PARD3B: variants seen among roughly 807,000 people sequenced by gnomAD.
The protein encoded by PARD3B is par-3 family cell polarity regulator beta, also known as partitioning defective 3 homolog B.
In PARD3B, 103 loss-of-function variants were observed where a neutral mutation model predicts 130.2. The observed-to-expected ratio is 0.79, with a 90% confidence interval of 0.67 to 0.93. PARD3B has a LOEUF of 0.93. Ranked by LOEUF, PARD3B falls within the 40% of genes least tolerant of loss-of-function variation. The pLI, the probability that PARD3B is intolerant of heterozygous loss-of-function variation, is 0.00. For missense variants in PARD3B, 1,609 were observed against 1,499.2 expected (o/e 1.07, Z -1.21); for synonymous variants, 583 against 553.2 (o/e 1.05, Z -0.76).
intron 2 of PARD3B, among the ~76,000 whole-genome samples, chr2:204,707,180 A>G (rs186977576): frequency 2.0e-5 from 3 of 152,162 alleles, no homozygotes; most frequent in African/African-American, 7.2e-5. Flanking sequence ...ACACATGCAT[A>G]TGTGTGCTCT....
intron 20 of PARD3B, among the ~76,000 whole-genome samples, chr2:205,443,935 T>G (rs2047814238): frequency 6.6e-6 from 1 of 152,108 alleles, no homozygotes; most frequent in South Asian, 2.1e-4. Context: ...GGCCAGGAGT[T>G]GGAGACCAGC....
Position 205,172,294 on chromosome 2 carries a change from A to T in PARD3B, c.1704A>T (p.Glu568Asp), listed in dbSNP as rs2035217539. Reference sequence around the variant, plus strand: ...GAAAGTCCAACCACGAAGCTATGGAAACACTTAGGCGGTCAATGTCCATGG... The same window carrying T: ...GAAAGTCCAACCACGAAGCTATGGATACACTTAGGCGGTCAATGTCCATGG... Reference protein sequence around the residue: ...LLGKSNHEAMETLRRSMSMEG... With the variant: ...LLGKSNHEAMDTLRRSMSMEG... Residue 568 changes from glutamate to aspartate, a missense_variant, in exon 12 of 23, where the codon GAA becomes GAT. Glu to Asp is a conservative substitution (Grantham distance 45). Transcript: ENST00000406610. 2 of 1,614,120 alleles carry T rather than the reference A, an allele frequency of 1.2e-6. No individual in the cohort carries two copies. Among genetic ancestry groups the T allele is most frequent in the African/African-American group, 2.7e-5 (2 of 75,034 alleles).
At chr2:205,080,705 T>C (rs1310947913) in intron 4 of PARD3B, among the ~76,000 whole-genome samples, 1 of 152,130 alleles carries the variant, frequency 6.6e-6, no homozygotes, top group Non-Finnish European at 1.5e-5. Flanking sequence ...GTGTGTATAA[T>C]ACCAGTTTTC....
chr2:204,950,366 A>T (rs1049925121), intron 2 of PARD3B, among the ~76,000 whole-genome samples: 3 of 152,220 alleles, frequency 2.0e-5, no homozygotes, highest in Non-Finnish European at 4.4e-5. Flanking sequence ...AGCTCAGAGA[A>T]GCTAAATAAC....
Position 205,575,283 on chromosome 2 carries a change from C to CTGCCACCT in PARD3B, c.3260+21881_3260+21888dup, listed in dbSNP as rs1352479971. 1.3e-5 allele frequency among the ~76,000 whole-genome samples: 2 copies of CTGCCACCT among 152,014 alleles called. No individual in the cohort carries two copies. Among genetic ancestry groups the CTGCCACCT allele is most frequent in the Non-Finnish European group, 2.9e-5 (2 of 68,000 alleles). On this transcript the variant is annotated intron_variant, in intron 22 of 22. Coordinates refer to ENST00000406610, the MANE Select transcript of PARD3B (RefSeq NM_001302769.2). This position sits in a 1 kb window ranked among gnomAD's most constrained non-coding sequence, Gnocchi z 4.6. ...GAAGGTACACAGATTTCTCATAAAC[C>CTGCCACCT]TGCCACCTCAACACATGCGTAACTT...
chr2:205,056,675 C>T (rs11903144), intron 4 of PARD3B, among the ~76,000 whole-genome samples: 66,481 of 151,460 alleles, frequency 0.44, 15,080 homozygotes, highest in Admixed American at 0.54. Flanking sequence ...CCTGATATTT[C>T]TCAACAGATT....
chr2:205,167,961 T>C (rs953913571), intron 11 of PARD3B, among the ~76,000 whole-genome samples: 6 of 152,098 alleles, frequency 3.9e-5, no homozygotes, highest in South Asian at 2.1e-4. Flanking sequence ...TACTCAAAGG[T>C]CTTGTCTCCT....
At chr2:204,874,112 C>T (rs2045745092) in intron 2 of PARD3B, among the ~76,000 whole-genome samples, 2 of 152,144 alleles carry the variant, frequency 1.3e-5, no homozygotes, top group African/African-American at 4.8e-5. Context: ...CATCGTACTC[C>T]CGCCTGAGCG....
At chr2:205,508,348 G>A (rs939664593) in intron 21 of PARD3B, among the ~76,000 whole-genome samples, 1 of 152,102 alleles carries the variant, frequency 6.6e-6, no homozygotes, top group African/African-American at 2.4e-5. Context: ...CGAGATGAGA[G>A]GATCACTTGA....
Position 205,281,831 on chromosome 2 carries a change from A to G in PARD3B, c.2186-18699A>G, listed in dbSNP as rs1472001407. Among the ~76,000 whole-genome samples the G allele has an allele frequency of 6.6e-6, 1 of 152,198 alleles. No individual in the cohort carries two copies. Among genetic ancestry groups the G allele is most frequent in the African/African-American group, 2.4e-5 (1 of 41,448 alleles). ...AGAGGAAGAAAAAGAAATTTTATAC[A>G]TGAGTTTACCCCTGAAATGGATGAG... On this transcript the variant is annotated intron_variant, in intron 16 of 22. Transcript: ENST00000406610. The surrounding 1 kb of genome is among the most constrained non-coding windows in gnomAD (Gnocchi z 4.2).
intron 22 of PARD3B, among the ~76,000 whole-genome samples, chr2:205,593,877 G>A (rs2054478235): frequency 6.6e-6 from 1 of 152,228 alleles, no homozygotes; most frequent in South Asian, 2.1e-4. Flanking sequence ...ATAGACACAA[G>A]AGTAATATAA....
chr2:205,605,325 G>A (rs533267201), intron 22 of PARD3B, among the ~76,000 whole-genome samples: 16 of 152,286 alleles, frequency 1.1e-4, no homozygotes, highest in African/African-American at 3.6e-4. Context: ...TTTTGTTGTT[G>A]TTGTTGATTC....
chr2:204,710,970 A>C (rs1254040067), intron 2 of PARD3B, among the ~76,000 whole-genome samples: 1 of 152,164 alleles, frequency 6.6e-6, no homozygotes, highest in Non-Finnish European at 1.5e-5. Context: ...AAGGTGAGTA[A>C]AGGAGTTTTG....
intron 20 of PARD3B, among the ~76,000 whole-genome samples, chr2:205,497,233 G>C (rs372512514): frequency 6.7e-6 from 1 of 149,770 alleles, no homozygotes; most frequent in Non-Finnish European, 1.5e-5. Flanking sequence ...AGAAAGGTAC[G>C]TGATTCCCAA....
intron 3 of PARD3B, among the ~76,000 whole-genome samples, chr2:204,998,368 G>T (rs10183932): frequency 1.0e-5 from 1 of 96,990 alleles, no homozygotes; most frequent in Admixed American, 1.2e-4. Flanking sequence ...ATGTGTGTGT[G>T]TGTGTGTATA....
chr2:205,611,936 G>T (rs1018389381), intron 22 of PARD3B, among the ~76,000 whole-genome samples: 3 of 152,106 alleles, frequency 2.0e-5, no homozygotes, highest in African/African-American at 7.2e-5. Flanking sequence ...GCTGCCCCTG[G>T]ATTCCTCAGG....
At position 205,287,483 on chromosome 2, in the gene PARD3B, A is replaced by G. The variant is rs1187081926; in HGVS notation, c.2186-13047A>G. ...AGGCTTAGATTCTCCCAGTAACCCCAGTAACAAAGACTGCTCACTCTACCA... is the reference window on the plus strand; with the variant it reads ...AGGCTTAGATTCTCCCAGTAACCCCGGTAACAAAGACTGCTCACTCTACCA... On this transcript the variant is annotated intron_variant, in intron 16 of 22. Coordinates refer to ENST00000406610, the MANE Select transcript of PARD3B (RefSeq NM_001302769.2). The surrounding 1 kb of genome is among the most constrained non-coding windows in gnomAD (Gnocchi z 4.8). Among the ~76,000 whole-genome samples, 1 of 152,140 alleles carries G rather than the reference A, an allele frequency of 6.6e-6. No homozygotes were observed. Among genetic ancestry groups the G allele is most frequent in the Non-Finnish European group, 1.5e-5 (1 of 68,030 alleles).
intron 21 of PARD3B, among the ~76,000 whole-genome samples, chr2:205,547,678 G>T (rs970777337): frequency 6.6e-6 from 1 of 152,036 alleles, no homozygotes; most frequent in African/African-American, 2.4e-5. Context: ...CCAATTCTAA[G>T]ACCAACTATA....
At chr2:204,634,842 A>G (rs1047441928) in intron 1 of PARD3B, among the ~76,000 whole-genome samples, 1 of 152,300 alleles carries the variant, frequency 6.6e-6, no homozygotes, top group South Asian at 2.1e-4. Flanking sequence ...GGGGCTCACA[A>G]GATAGTCATA....
Sources: allele counts gnomAD v4.1 joint callset (sites outside exome capture counted in the v4.1 genomes callset), GRCh38; gene constraint gnomAD v4.1.1; non-coding constraint Gnocchi (gnomAD v3.1); transcripts MANE v1.5; gene names NCBI Gene and HGNC (gene_info 2026-07-23, HGNC 2026-07-21).